The following VSTM1 variants were observed in gnomAD, a reference collection of about 807,000 sequenced individuals.
The protein encoded by VSTM1 is V-set and transmembrane domain containing 1.
In VSTM1, 27 loss-of-function variants were observed where a neutral mutation model predicts 33.1. That is an observed-to-expected ratio of 0.82 (90% CI 0.60 to 1.12). The LOEUF (loss-of-function observed/expected upper bound fraction) is 1.12, where lower values mean the gene tolerates loss of function less well. VSTM1 is among the 50% of genes most tolerant of loss of function. VSTM1 has a pLI of 0.00. For missense variants in VSTM1, 304 were observed against 288.9 expected (o/e 1.05, Z -0.38); for synonymous variants, 115 against 110.3 (o/e 1.04, Z -0.27).
intron 4 of VSTM1, among the ~76,000 whole-genome samples, chr19:54,042,820 A>ATATATATG (rs1555752518): frequency 1.0e-4 from 8 of 79,960 alleles, no homozygotes; most frequent in Admixed American, 1.5e-4. Context: ...ATATATATAT[A>ATATATATG]TATATATATA....
At chr19:54,058,798 A>G in intron 1 of VSTM1, 66 bp from the exon 2 acceptor site, 1 of 1,367,318 alleles carries the variant, frequency 7.3e-7, no homozygotes, top group Admixed American at 1.7e-5. Context: ...CCAGCAGAGA[A>G]CGTATGACTA....
At chr19:54,051,751 T>C (rs2070850773) in intron 3 of VSTM1, among the ~76,000 whole-genome samples, 1 of 152,104 alleles carries the variant, frequency 6.6e-6, no homozygotes, top group African/African-American at 2.4e-5. Context: ...AAGAACACCA[T>C]TCACCCAAAT....
At chr19:54,041,687 T>C in intron 8 of VSTM1, 92 bp downstream of exon 8, 1 of 1,347,684 alleles carries the variant, frequency 7.4e-7, no homozygotes, top group Admixed American at 2.1e-5. Context: ...ATAAACAGTA[T>C]ACATTTCTGT....
Position 54,058,720 on chromosome 19 carries a change from C to T in VSTM1, c.47G>A (p.Gly16Asp), listed in dbSNP as rs2071236415. 6.2e-7 allele frequency: 1 copy of T among 1,613,582 alleles called. No individual in the cohort carries two copies. Among genetic ancestry groups the T allele is most frequent in the Admixed American group, 1.7e-5 (1 of 59,896 alleles). Residue 16 changes from glycine (G) to aspartate (D), a missense_variant, in exon 2 of 9, where the codon GGC becomes GAC. By Grantham distance (94) the Gly-to-Asp change is moderately conservative. Coordinates refer to ENST00000338372, the MANE Select transcript of VSTM1 (RefSeq NM_198481.4). ...LSLLCLGLCL[G>D]YEDEKKNEKP... is the part of the protein sequence containing the mutation. The stretch of plus-strand genomic sequence containing the variant: ...ACCATTCTTTTTCTCATCTTCGTAG[C>T]CCAGACACAGCCCTGGAAGAGAAAT...
At chr19:54,061,546 G>C (rs1207047328) in intron 1 of VSTM1, among the ~76,000 whole-genome samples, 1 of 152,154 alleles carries the variant, frequency 6.6e-6, no homozygotes, top group Non-Finnish European at 1.5e-5. Context: ...GAGGCAGAGA[G>C]GCCAGGCTGC....
chr19:54,061,285 T>G (rs1309354198), intron 1 of VSTM1, among the ~76,000 whole-genome samples: 1 of 152,172 alleles, frequency 6.6e-6, no homozygotes, highest in African/African-American at 2.4e-5. Context: ...CCCAAAGTCC[T>G]GAGATTACAG....
chr19:54,047,852 T>C (rs1234622959), intron 4 of VSTM1, among the ~76,000 whole-genome samples: 1 of 152,196 alleles, frequency 6.6e-6, no homozygotes, highest in African/African-American at 2.4e-5. Flanking sequence ...CCACAGATCC[T>C]GGCCAAATGT....
intron 1 of VSTM1, among the ~76,000 whole-genome samples, chr19:54,060,191 CTG>C (rs1196852367): frequency 3.9e-5 from 6 of 152,088 alleles, no homozygotes; most frequent in African/African-American, 1.4e-4. Context: ...TAGAGAGAAT[CTG>C]CTCCCCCTTC....
intron 4 of VSTM1, among the ~76,000 whole-genome samples, chr19:54,043,886 AGG>A (rs1491114449): frequency 9.8e-4 from 132 of 134,290 alleles, no homozygotes; most frequent in Non-Finnish European, 1.9e-3. Context: ...TGGAGGGGAG[AGG>A]AGGGGAGAGG....
At chr19:54,042,086 G>A (rs1387912465) in intron 6 of VSTM1, 83 bp downstream of exon 6, 1 of 1,608,438 alleles carries the variant, frequency 6.2e-7, no homozygotes, top group African/African-American at 1.3e-5. Flanking sequence ...TGGGGGCTCA[G>A]GGTGCCAATC....
chr19:54,045,681 T>C (rs554969290), intron 4 of VSTM1, among the ~76,000 whole-genome samples: 1 of 152,294 alleles, frequency 6.6e-6, no homozygotes, highest in Admixed American at 6.5e-5. Context: ...TTTAATCTAT[T>C]CTATCTAGTT....
At chr19:54,050,002 T>A (rs1279034383) in intron 4 of VSTM1, among the ~76,000 whole-genome samples, 2 of 134,138 alleles carry the variant, frequency 1.5e-5, no homozygotes, top group Non-Finnish European at 3.4e-5. Flanking sequence ...TTTTTTTTTT[T>A]TTTTTTTTTT....
intron 8 of VSTM1, 67 bp from the exon 9 acceptor site, chr19:54,041,147 TA>T: frequency 7.0e-7 from 1 of 1,432,854 alleles, no homozygotes. Flanking sequence ...CACACATGGC[TA>T]TTGACATTTA....
intron 3 of VSTM1, among the ~76,000 whole-genome samples, chr19:54,056,214 C>CTT (rs869203085): frequency 0.027 from 1,039 of 39,082 alleles, 139 homozygotes; most frequent in African/African-American, 0.079. Context: ...CTTTTCTTTT[C>CTT]TTTTTTTTTT....
chr19:54,045,356 C>T (rs1473972404), intron 4 of VSTM1, among the ~76,000 whole-genome samples: 4 of 152,068 alleles, frequency 2.6e-5, no homozygotes, highest in African/African-American at 9.7e-5. Context: ...ACCTACTTGC[C>T]TATCACCTAT....
At chr19:54,049,519 TA>T (rs1451560390) in intron 4 of VSTM1, among the ~76,000 whole-genome samples, 22 of 152,004 alleles carry the variant, frequency 1.4e-4, no homozygotes, top group African/African-American at 5.3e-4. Flanking sequence ...TATATATCAA[TA>T]AAAAAAGAAA....
chr19:54,042,820 A>G (rs866588889), intron 4 of VSTM1, among the ~76,000 whole-genome samples: 64 of 79,924 alleles, frequency 8.0e-4, no homozygotes, highest in African/African-American at 2.3e-3. Context: ...ATATATATAT[A>G]TATATATATA....
At chr19:54,053,246 G>A (rs1037672146) in intron 3 of VSTM1, among the ~76,000 whole-genome samples, 2 of 140,994 alleles carry the variant, frequency 1.4e-5, no homozygotes, top group Non-Finnish European at 3.1e-5. Context: ...TCCAGATATC[G>A]GTGTGGTTGG....
intron 8 of VSTM1, among the ~76,000 whole-genome samples, chr19:54,041,347 G>A (rs1306904070): frequency 2.0e-5 from 3 of 151,800 alleles, no homozygotes; most frequent in African/African-American, 7.3e-5. Flanking sequence ...TGTCGCCCAG[G>A]CTGGAGTGCG....
Sources: allele counts gnomAD v4.1 joint callset (sites outside exome capture counted in the v4.1 genomes callset), GRCh38; gene constraint gnomAD v4.1.1; transcripts MANE v1.5; gene names NCBI Gene and HGNC (gene_info 2026-07-23, HGNC 2026-07-21).